The following FRMD3 variants were observed in gnomAD, a reference collection of about 807,000 sequenced individuals.
FRMD3 encodes the protein FERM domain-containing protein 3.
FRMD3 carries 33 observed loss-of-function variants against 70.2 expected under a neutral mutation model. The observed-to-expected ratio is 0.47, with a 90% CI of 0.36 to 0.63. The LOEUF is 0.63. Ranked by LOEUF, FRMD3 falls within the 20% of genes least tolerant of loss-of-function variation. The probability of loss-of-function intolerance (pLI) is 0.00; values close to 1 mark genes in which losing one functional copy is unlikely to be tolerated. For synonymous variants in FRMD3, 279 were observed against 255.9 expected, an observed-to-expected ratio of 1.09 and a Z score of -0.86; for missense variants, 632 against 711.4, an observed-to-expected ratio of 0.89 and a Z score of 1.27.
At chr9:83,276,641 A>G (rs567964162) in intron 13 of FRMD3, 1 of 152,348 alleles carries the variant, frequency 6.6e-6, no homozygotes, top group African/African-American at 2.4e-5. Flanking sequence ...TCCAAAAGAG[A>G]AGAGCAAATG....
At chr9:83,341,362 G>A (rs60628722) in intron 5 of FRMD3, among the ~76,000 whole-genome samples, 33,416 of 152,012 alleles carry the variant, frequency 0.22, 3,963 homozygotes, top group Non-Finnish European at 0.26. Context: ...TGGAGGCTCC[G>A]TGGCTTTATT....
chr9:83,279,688 T>C lies in FRMD3; in HGVS notation c.1195+10915A>G, dbSNP rs117922827. On this transcript the variant is annotated intron_variant, in intron 13 of 13. Coordinates refer to ENST00000304195, the MANE Select transcript of FRMD3 (RefSeq NM_174938.6). ...CTGGAAGCCATTAGCTTCAGAAAAC[T>C]AACACGGGAACAGAAAACCACACAC... 3.3e-5 allele frequency among the ~76,000 whole-genome samples: 5 copies of C among 150,636 alleles called. No individual in the cohort carries two copies. In the East Asian group the frequency reaches 9.9e-4, roughly 30 times the overall value.
At chr9:83,451,375 C>A (rs1827650081) in intron 1 of FRMD3, among the ~76,000 whole-genome samples, 1 of 135,204 alleles carries the variant, frequency 7.4e-6, no homozygotes, top group Admixed American at 8.1e-5. Context: ...CACACAAGCA[C>A]ACAAATACAT....
intron 4 of FRMD3, 62 bp from the exon 5 acceptor site, chr9:83,343,349 T>C: frequency 8.9e-7 from 1 of 1,124,866 alleles, no homozygotes; most frequent in Non-Finnish European, 1.4e-6. Flanking sequence ...AGAAGTAGGA[T>C]TGTTCATGCT....
rs145644798 is a variant in FRMD3, at chr9:83,297,254, G to C, written c.1070+1494C>G. ...ATCAGGTATTTAAGATCAAATATTT[G>C]AGCTTCAACCTGGAAGAATAAAATG... On this transcript the variant is annotated intron_variant, in intron 12 of 13. Transcript: ENST00000304195. 5.3e-5 allele frequency among the ~76,000 whole-genome samples: 8 copies of C among 152,244 alleles called. No individual in the cohort carries two copies. The East Asian group carries it at 1.5e-3, about 29-fold the overall frequency.
At chr9:83,453,584 A>T (rs1827729223) in intron 1 of FRMD3, among the ~76,000 whole-genome samples, 1 of 150,306 alleles carries the variant, frequency 6.7e-6, no homozygotes, top group Non-Finnish European at 1.5e-5. Flanking sequence ...AATTTCAAAG[A>T]CTTAGTCCAG....
At chr9:83,266,870 T>C (rs1215493175) in intron 13 of FRMD3, 4 of 844,816 alleles carry the variant, frequency 4.7e-6, no homozygotes, top group Non-Finnish European at 7.2e-6. Context: ...TCTGCTTTTC[T>C]CCCTTCCTCT....
At chr9:83,540,105 C>T (rs554500775), upstream of FRMD3, among the ~76,000 whole-genome samples, 1 of 152,182 alleles carries the variant, frequency 6.6e-6, no homozygotes. Flanking sequence ...TGGTATGACA[C>T]CGGGTCAGTG....
At chr9:83,502,045 G>A (rs1314477692) in intron 1 of FRMD3, among the ~76,000 whole-genome samples, 3 of 152,156 alleles carry the variant, frequency 2.0e-5, no homozygotes, top group Non-Finnish European at 4.4e-5. Context: ...TATGTGTCTT[G>A]TTCTGGAACA....
chr9:83,509,008 C>T (rs990935374), intron 1 of FRMD3, among the ~76,000 whole-genome samples: 1 of 147,800 alleles, frequency 6.8e-6, no homozygotes, highest in Non-Finnish European at 1.5e-5. Context: ...TTCCTTCCCC[C>T]CCTCCCCTCC....
chr9:83,399,367 C>T (rs547427484), intron 1 of FRMD3, among the ~76,000 whole-genome samples: 5 of 152,252 alleles, frequency 3.3e-5, no homozygotes, highest in African/African-American at 1.2e-4. Context: ...CCTAGTCATT[C>T]GGTCATTTCT....
At chr9:83,490,085 T>A (rs1433389582) in intron 1 of FRMD3, among the ~76,000 whole-genome samples, 2 of 152,206 alleles carry the variant, frequency 1.3e-5, no homozygotes, top group Non-Finnish European at 2.9e-5. Flanking sequence ...TTGCTTTTTA[T>A]CTGCTAGTTG....
intron 1 of FRMD3, among the ~76,000 whole-genome samples, chr9:83,484,819 C>T (rs919488061): frequency 2.2e-4 from 34 of 152,114 alleles, no homozygotes; most frequent in Admixed American, 1.8e-3. Flanking sequence ...CAATATTATC[C>T]GCATCCTAGT....
intron 1 of FRMD3, chr9:83,467,668 G>A (rs1828165286): frequency 2.0e-6 from 3 of 1,535,150 alleles, no homozygotes; most frequent in Middle Eastern, 1.7e-4. Context: ...AGACAAAAAG[G>A]ATTTGCAGTG....
chr9:83,329,626 A>T (rs187126838), intron 6 of FRMD3, among the ~76,000 whole-genome samples: 2 of 152,320 alleles, frequency 1.3e-5, no homozygotes, highest in Non-Finnish European at 2.9e-5. Flanking sequence ...AGAAATAGAG[A>T]TAATTACTCT....
At chr9:83,368,053 C>A (rs1359783590) in intron 3 of FRMD3, among the ~76,000 whole-genome samples, 1 of 151,970 alleles carries the variant, frequency 6.6e-6, no homozygotes, top group Non-Finnish European at 1.5e-5. Context: ...AGTTATTATC[C>A]TGAGTAAAAG....
chr9:83,485,869 C>G (rs764750221), intron 1 of FRMD3, among the ~76,000 whole-genome samples: 1 of 151,668 alleles, frequency 6.6e-6, no homozygotes, highest in Non-Finnish European at 1.5e-5. Flanking sequence ...AAAGAGAATT[C>G]GAAATTCTCT....
chr9:83,400,916 A>T (rs1179233230), intron 1 of FRMD3, among the ~76,000 whole-genome samples: 1 of 152,158 alleles, frequency 6.6e-6, no homozygotes, highest in East Asian at 1.9e-4. Flanking sequence ...TCTTTTTCTT[A>T]GTATAGTCTG....
At chr9:83,375,856 C>G (rs962203247) in intron 2 of FRMD3, among the ~76,000 whole-genome samples, 3 of 152,036 alleles carry the variant, frequency 2.0e-5, no homozygotes, top group African/African-American at 7.3e-5. Context: ...GCACATGTAC[C>G]CCTAACTTAA....
Sources: allele counts gnomAD v4.1 joint callset (sites outside exome capture counted in the v4.1 genomes callset), GRCh38; gene constraint gnomAD v4.1.1; transcripts MANE v1.5; gene names NCBI Gene and HGNC (gene_info 2026-07-23, HGNC 2026-07-21).